Variants in MATN4 observed in about 807,000 individuals in gnomAD.
MATN4 encodes matrilin-4.
Under a neutral mutation model 54.6 loss-of-function variants are expected in MATN4, and 40 were observed. The ratio of observed to expected loss-of-function variants is 0.73; its 90% CI spans 0.57 to 0.95. MATN4 has a LOEUF of 0.95. MATN4 is among the 40% of genes least tolerant of loss of function. The probability of loss-of-function intolerance (pLI) is 0.00; values close to 1 mark genes in which losing one functional copy is unlikely to be tolerated. For synonymous variants in MATN4, 351 were observed against 345.3 expected (o/e 1.02, Z -0.18); for missense variants, 810 against 819.1 (o/e 0.99, Z 0.13).
chr20:45,294,271 T>C (rs898632050), intron 8 of MATN4, among the ~76,000 whole-genome samples: 1 of 150,788 alleles, frequency 6.6e-6, no homozygotes, highest in Admixed American at 6.6e-5. Flanking sequence ...CCTGTGTACG[T>C]GTGTGTGTGT....
At chr20:45,305,657 A>G in intron 1 of MATN4, 41 bp from the exon 2 acceptor site, 1 of 1,070,916 alleles carries the variant, frequency 9.3e-7, no homozygotes, top group Non-Finnish European at 1.4e-6. Flanking sequence ...CAGTATTTAC[A>G]GAGCTCTTAT....
intron 8 of MATN4, 41 bp from the exon 9 acceptor site, chr20:45,294,056 C>T (rs1985658442): frequency 6.6e-7 from 1 of 1,523,794 alleles, no homozygotes; most frequent in East Asian, 2.3e-5. Context: ...TGAGAAATTG[C>T]CCTAGCTTTG....
intron 1 of MATN4, among the ~76,000 whole-genome samples, chr20:45,306,655 G>A (rs1322496913): frequency 2.0e-5 from 3 of 152,270 alleles, no homozygotes; most frequent in Non-Finnish European, 4.4e-5. Flanking sequence ...AGAACGCGCG[G>A]CTTGGCGCCT....
At chr20:45,297,648 TA>T (rs1394985405) in intron 8 of MATN4, among the ~76,000 whole-genome samples, 1 of 152,178 alleles carries the variant, frequency 6.6e-6, no homozygotes, top group Non-Finnish European at 1.5e-5. Flanking sequence ...TCTTAGACTT[TA>T]ATATGCTTAC....
intron 3 of MATN4, 73 bp downstream of exon 3, chr20:45,304,155 T>C: frequency 7.6e-7 from 1 of 1,316,950 alleles, no homozygotes; most frequent in Non-Finnish European, 1.0e-6. Flanking sequence ...GGATGGGATT[T>C]ACTGTGGTGG....
At chr20:45,306,442 C>T (rs1755543006) in intron 1 of MATN4, among the ~76,000 whole-genome samples, 1 of 152,126 alleles carries the variant, frequency 6.6e-6, no homozygotes. Flanking sequence ...CAGACAGAAG[C>T]CCTTCCCCAC....
chr20:45,299,800 C>T (rs1223089601), intron 6 of MATN4, among the ~76,000 whole-genome samples: 1 of 150,638 alleles, frequency 6.6e-6, no homozygotes, highest in Non-Finnish European at 1.5e-5. Context: ...ATCAGTTGAG[C>T]CCCAGAGGCA....
chr20:45,297,185 C>T (rs966265468), intron 8 of MATN4, among the ~76,000 whole-genome samples: 2 of 151,810 alleles, frequency 1.3e-5, no homozygotes, highest in African/African-American at 4.8e-5. Flanking sequence ...CCCAAACCAG[C>T]CCTACTTAGT....
At position 45,299,699 on chromosome 20, in the gene MATN4, A is replaced by C. The variant is rs1286229719; in HGVS notation, c.1013-1116T>G. On this transcript the variant is annotated intron_variant, in intron 6 of 9. Coordinates refer to ENST00000372756, the MANE Select transcript of MATN4 (RefSeq NM_001393530.1). Reference sequence around the variant, plus strand: ...TCGAGACCAGCCTGGCTGAGATGGCAAAACCCCATCTCCACTAAAAATACA... The same window carrying C: ...TCGAGACCAGCCTGGCTGAGATGGCCAAACCCCATCTCCACTAAAAATACA... Among the ~76,000 whole-genome samples the C allele has an allele frequency of 2.0e-5, 3 of 151,838 alleles. No individual in the cohort carries two copies. The East Asian group carries it at 5.8e-4, about 29-fold the overall frequency.
chr20:45,298,483 A>C lies in MATN4; in HGVS notation c.1113T>G (p.Ile371Met). Residue 371 changes from isoleucine to methionine, a missense_variant, in exon 7 of 10, where the codon ATT becomes ATG. Transcript: ENST00000372756. The surrounding 1 kb of genome is among the most constrained non-coding windows in gnomAD (Gnocchi z 4.6). The stretch of plus-strand genomic sequence containing the variant: ...CGGGGGACACATCTAGGAAGTCCAC[A>C]ATCTGGTTCACGAAGCGCTTCACTA... ...FELVKRFVNQ[I>M]VDFLDVSPEG... is the part of the protein sequence containing the mutation. 6.2e-7 allele frequency: 1 copy of C among 1,613,760 alleles called. No homozygotes were observed. The highest frequency in any genetic ancestry group is 1.7e-5 in the Admixed American group (1 of 59,988).
intron 8 of MATN4, among the ~76,000 whole-genome samples, chr20:45,297,317 A>G (rs931097018): frequency 6.6e-6 from 1 of 152,052 alleles, no homozygotes; most frequent in Non-Finnish European, 1.5e-5. Flanking sequence ...CCTAGAGCAC[A>G]GTACACTGCA....
intron 1 of MATN4, among the ~76,000 whole-genome samples, chr20:45,307,867 G>C (rs1053637418): frequency 2.0e-5 from 3 of 152,176 alleles, no homozygotes; most frequent in Non-Finnish European, 1.5e-5. Flanking sequence ...AAGATTCAGA[G>C]ATGCCCTGAG....
chr20:45,308,429 C>T, upstream of MATN4: 1 of 588,144 alleles, frequency 1.7e-6, no homozygotes, highest in East Asian at 2.8e-5. Flanking sequence ...AACCCAGCAC[C>T]CCCTGCTCCT....
In MATN4 at chr20:45,298,054, G is replaced by A. The variant is rs879253529; in HGVS notation, c.1443C>T (p.Ala481=). The A allele has an allele frequency of 4.3e-6, 7 of 1,613,358 alleles. No individual in the cohort carries two copies. In the East Asian group the frequency reaches 8.9e-5, roughly 21 times the overall value. ...RAKEEGIVMY[A]VGVGKAVEAE... ...CCTCCACCGCCTTGCCCACGCCCAC[G>A]GCGTACATGACGATGCCTGCAAGGC... Residue 481 remains alanine (A), a synonymous_variant, in exon 8 of 10, where the codon GCC becomes GCT. Transcript: ENST00000372756. This position sits in a 1 kb window ranked among gnomAD's most constrained non-coding sequence, Gnocchi z 4.6.
chr20:45,293,711 A>C lies in MATN4; in HGVS notation c.*56T>G. 1 of 1,493,788 alleles carries C rather than the reference A, an allele frequency of 6.7e-7. No homozygotes were observed. Among genetic ancestry groups the C allele is most frequent in the East Asian group, 2.4e-5 (1 of 41,712 alleles). 92.5% of individuals were successfully genotyped at this position (1,493,788 alleles called of 1,614,324 possible). On this transcript the variant is annotated 3_prime_UTR_variant, in exon 10 of 10. Transcript: ENST00000372756. ...TGGCCCCGGCGCACCGATGGCGCGCAAGGGGCACCGTCCGTGGTGCCGCGC... is the reference window on the plus strand; with the variant it reads ...TGGCCCCGGCGCACCGATGGCGCGCCAGGGGCACCGTCCGTGGTGCCGCGC...
intron 1 of MATN4, among the ~76,000 whole-genome samples, chr20:45,306,505 C>T (rs910973646): frequency 6.6e-6 from 1 of 152,232 alleles, no homozygotes; most frequent in Non-Finnish European, 1.5e-5. Flanking sequence ...CTTTGCAACT[C>T]GCCAACCCCC....
intron 1 of MATN4, chr20:45,306,900 G>A (rs867745972): frequency 3.2e-6 from 4 of 1,256,752 alleles, no homozygotes; most frequent in Admixed American, 4.2e-5. Context: ...GCGGGTGAGC[G>A]GCTGGGGCCC....
Position 45,304,251 on chromosome 20 carries a change from A to G in MATN4, c.620T>C (p.Leu207Pro). ...ESFDLIQEFG[L>P]QFQSRLCAID... ...ACCACACAGCCGGCTCTGGAACTGC[A>G]GGCCGAACTCCTGGATGAGGTCGAA... is the stretch of plus-strand genomic sequence containing the variant. The change falls in exon 3 of 10, where the codon CTG becomes CCG. Residue 207 changes from leucine (L) to proline (P), a missense_variant. Physicochemically the swap from Leu to Pro is moderately conservative, Grantham distance 98. Transcript: ENST00000372756. 1.3e-6 allele frequency: 2 copies of G among 1,534,248 alleles called. No individual in the cohort carries two copies. Among genetic ancestry groups the G allele is most frequent in the Admixed American group, 4.4e-5 (2 of 45,836 alleles).
In MATN4 at chr20:45,304,353, ACCC is replaced by A. The variant is rs1346447642; in HGVS notation, c.515_517del (p.Gly172del). On this transcript the variant is annotated inframe_deletion, in exon 3 of 10. Coordinates refer to ENST00000372756, the MANE Select transcript of MATN4 (RefSeq NM_001393530.1). ...CAGGGAGCCCACGTCCGCGCGCTGCACCCCCACCGCGTAAATTTCAATGCCGCG... is the reference window on the plus strand; with the variant it reads ...CAGGGAGCCCACGTCCGCGCGCTGCACCACCGCGTAAATTTCAATGCCGCG... 6.6e-7 allele frequency: 1 copy of A among 1,505,238 alleles called. No homozygotes were observed. Among genetic ancestry groups the A allele is most frequent in the African/African-American group, 1.4e-5 (1 of 69,834 alleles). The allele number at this position is 1,505,238 out of a possible 1,614,324, so 93.2% of individuals were successfully genotyped here.
Sources: gnomAD v4.1 joint callset for allele counts (sites outside exome capture counted in the v4.1 genomes callset) on GRCh38, gnomAD v4.1.1 for gene constraint, Gnocchi (gnomAD v3.1) non-coding constraint, MANE v1.5 for transcripts, NCBI Gene and HGNC (gene_info 2026-07-23, HGNC 2026-07-21) for gene names.